SMURF2: variants seen among roughly 807,000 people sequenced by gnomAD.
SMURF2 encodes E3 ubiquitin-protein ligase SMURF2.
SMURF2 carries 48 observed loss-of-function variants against 109.6 expected under a neutral mutation model. That is an observed-to-expected ratio of 0.44 (90% CI 0.35 to 0.56). The LOEUF is 0.56. Ranked by LOEUF, SMURF2 falls within the 20% of genes least tolerant of loss-of-function variation. The probability of loss-of-function intolerance (pLI) is 0.01; values close to 1 mark genes in which losing one functional copy is unlikely to be tolerated. For missense variants in SMURF2, 575 were observed against 909.0 expected, an observed-to-expected ratio of 0.63 and a Z score of 4.72; for synonymous variants, 288 against 317.1, an observed-to-expected ratio of 0.91 and a Z score of 0.97.
chr17:64,593,333 T>C, intron 4 of SMURF2, 107 bp downstream of exon 4: 1 of 877,062 alleles, frequency 1.1e-6, no homozygotes, highest in Admixed American at 4.0e-5. Context: ...TTTAAATATA[T>C]ATTTGAGGAT....
chr17:64,621,991 A>T (rs921850229), intron 1 of SMURF2, among the ~76,000 whole-genome samples: 14 of 133,504 alleles, frequency 1.0e-4, no homozygotes, highest in African/African-American at 4.4e-4. Context: ...ATAATAAAAA[A>T]AAGCACTGTA....
In SMURF2 at chr17:64,612,591, TTG is replaced by T. The variant is rs1598295882; in HGVS notation, c.53-5953_53-5952del. On this transcript the variant is annotated intron_variant, in intron 1 of 18. Transcript: ENST00000262435. ...CAGGAGGCTGAGGCATGAGAATCAC[TTG>T]AGCCTGGAAGGCAGAGGTTGCAGTT... 5.3e-5 allele frequency among the ~76,000 whole-genome samples: 8 copies of T among 152,100 alleles called. 1 individual carries two copies. The East Asian group carries it at 1.5e-3, about 29-fold the overall frequency.
Position 64,580,971 on chromosome 17 carries a change from C to G in SMURF2, c.590G>C (p.Ser197Thr). Residue 197 changes from serine (S) to threonine (T), a missense_variant, in exon 8 of 19, where the codon AGC becomes ACC. Physicochemically the swap from Ser to Thr is moderately conservative, Grantham distance 58 (BLOSUM62 1). This residue lies in a region of SMURF2 where 151 missense variants were observed against 178.4 expected (regional missense o/e 0.85). Transcript: ENST00000262435. Reference sequence around the variant, plus strand: ...AAAGCAGCTAAGAGGTCTGCCAGGGCTAGAATATTCGGATGCCGGTCTATT... The same window carrying G: ...AAAGCAGCTAAGAGGTCTGCCAGGGGTAGAATATTCGGATGCCGGTCTATT... ...RPTRPASEYS[S>T]PGRPLSCFVD... 5.6e-6 allele frequency: 9 copies of G among 1,614,062 alleles called. No homozygotes were observed. Among genetic ancestry groups the G allele is most frequent in the Non-Finnish European group, 7.6e-6 (9 of 1,180,008 alleles).
chr17:64,569,485 A>G (rs555896582), intron 10 of SMURF2, among the ~76,000 whole-genome samples: 1 of 151,538 alleles, frequency 6.6e-6, no homozygotes, highest in South Asian at 2.1e-4. Flanking sequence ...CAGCTGGTCA[A>G]TAGGCCAAAA....
At chr17:64,641,994 A>G (rs1432503409) in intron 1 of SMURF2, among the ~76,000 whole-genome samples, 7 of 152,136 alleles carry the variant, frequency 4.6e-5, no homozygotes, top group African/African-American at 1.7e-4. Flanking sequence ...TTTAGTAGAA[A>G]CAGGGTTTCA....
intron 8 of SMURF2, among the ~76,000 whole-genome samples, chr17:64,578,952 T>C (rs1313221825): frequency 6.6e-6 from 1 of 152,178 alleles, no homozygotes; most frequent in Non-Finnish European, 1.5e-5. Context: ...TTCCAGAAAT[T>C]TTCAAAGAGT....
At chr17:64,637,914 C>T (rs540407332) in intron 1 of SMURF2, among the ~76,000 whole-genome samples, 20 of 117,318 alleles carry the variant, frequency 1.7e-4, no homozygotes, top group African/African-American at 9.0e-4. Context: ...ATGGTTTTGG[C>T]GCCCTAGTCA....
chr17:64,648,031 T>A (rs1222462964), intron 1 of SMURF2, among the ~76,000 whole-genome samples: 1 of 111,630 alleles, frequency 9.0e-6, no homozygotes, highest in Non-Finnish European at 1.6e-5. Context: ...CACTCCAGCC[T>A]GGGCAACACA....
chr17:64,586,980 A>G (rs1234223662), intron 5 of SMURF2, among the ~76,000 whole-genome samples: 2 of 152,010 alleles, frequency 1.3e-5, no homozygotes, highest in Non-Finnish European at 2.9e-5. Context: ...CCTGGCAAAC[A>G]TGGTGAAACC....
Position 64,545,850 on chromosome 17 carries a change from A to C in SMURF2, c.2245T>G (p.Ter749GlyextTer16). ...CCTGGGTAAATCCTTGAAGCTTGTC[A>C]TTCCACAGCAAATCCACATGTTTCT... is the stretch of plus-strand genomic sequence containing the variant. Reference protein sequence around the residue: ...IEETCGFAVE* With the variant: ...IEETCGFAVEG The change falls in exon 19 of 19, where the codon TGA becomes GGA. Residue 749 changes from the stop codon to glycine (G), a stop_lost. Transcript: ENST00000262435. 1 of 1,590,374 alleles carries C rather than the reference A, an allele frequency of 6.3e-7. No individual in the cohort carries two copies. Among genetic ancestry groups the C allele is most frequent in the Non-Finnish European group, 8.6e-7 (1 of 1,159,176 alleles).
chr17:64,562,285 CAAAAAAAA>C (rs782461489), intron 11 of SMURF2, among the ~76,000 whole-genome samples: 65 of 19,014 alleles, frequency 3.4e-3, no homozygotes, highest in African/African-American at 9.3e-3. Flanking sequence ...GACTCCGTCT[CAAAAAAAA>C]AAAAAAAAAA....
At chr17:64,598,789 G>C (rs1555688315) in intron 2 of SMURF2, among the ~76,000 whole-genome samples, 1 of 152,140 alleles carries the variant, frequency 6.6e-6, no homozygotes, top group East Asian at 1.9e-4. Flanking sequence ...TCTGACCCGA[G>C]GAATGGGGTC....
At chr17:64,562,366 C>A (rs2144606005) in intron 11 of SMURF2, among the ~76,000 whole-genome samples, 1 of 116,308 alleles carries the variant, frequency 8.6e-6, no homozygotes, top group African/African-American at 3.2e-5. Flanking sequence ...GAGCATAAAA[C>A]AAATTTAACT....
chr17:64,648,887 TC>T (rs1555693232), intron 1 of SMURF2, among the ~76,000 whole-genome samples: 1 of 152,228 alleles, frequency 6.6e-6, no homozygotes, highest in Non-Finnish European at 1.5e-5. Flanking sequence ...TAGTTTTTTT[TC>T]CATCCTTCTT....
rs1284768881 is a variant in SMURF2, at chr17:64,581,909, C to T, written c.570-918G>A. On this transcript the variant is annotated intron_variant, in intron 7 of 18. Transcript: ENST00000262435. This position sits in a 1 kb window ranked among gnomAD's most constrained non-coding sequence, Gnocchi z 4.3. ...GCAGTGGGCAGAGGTTGCAGTGAGC[C>T]GAGATCGTACCACTGCACTCTAGCC... Among the ~76,000 whole-genome samples the T allele has an allele frequency of 1.3e-5, 2 of 150,354 alleles. No individual in the cohort carries two copies. The highest frequency in any genetic ancestry group is 1.9e-4 in the East Asian group (1 of 5,134).
At chr17:64,654,317 T>C (rs969530780) in intron 1 of SMURF2, among the ~76,000 whole-genome samples, 12 of 152,202 alleles carry the variant, frequency 7.9e-5, no homozygotes, top group African/African-American at 2.9e-4. Context: ...TCAAATGTGG[T>C]TTTAAAAAAG....
chr17:64,630,531 G>A (rs782485618), intron 1 of SMURF2, among the ~76,000 whole-genome samples: 2 of 152,100 alleles, frequency 1.3e-5, no homozygotes, highest in Non-Finnish European at 2.9e-5. Context: ...ACAGGTTAGG[G>A]GTAAGCAGTA....
chr17:64,561,051 T>C (rs1169691531), intron 12 of SMURF2: 1 of 153,056 alleles, frequency 6.5e-6, no homozygotes, highest in Non-Finnish European at 1.5e-5. Flanking sequence ...TTCTACCTTC[T>C]GTACTGAAAC....
chr17:64,569,287 G>A (rs1555685366), intron 10 of SMURF2, among the ~76,000 whole-genome samples: 1 of 150,598 alleles, frequency 6.6e-6, no homozygotes, highest in African/African-American at 2.4e-5. Flanking sequence ...GGTGACAACA[G>A]GGAAACTCCA....
Sources: allele counts gnomAD v4.1 joint callset (sites outside exome capture counted in the v4.1 genomes callset), GRCh38; gene constraint gnomAD v4.1.1; regional missense constraint gnomAD v4.1.1; non-coding constraint Gnocchi (gnomAD v3.1); transcripts MANE v1.5; gene names NCBI Gene and HGNC (gene_info 2026-07-23, HGNC 2026-07-21).